Variants in SMURF1 observed in about 807,000 individuals in gnomAD.
SMURF1 encodes SMAD specific E3 ubiquitin protein ligase 1.
SMURF1 carries 44 observed loss-of-function variants against 98.0 expected under a neutral mutation model. That is an observed-to-expected ratio of 0.45 (90% CI 0.35 to 0.58). SMURF1 has a LOEUF of 0.58. SMURF1 is among the 20% of genes least tolerant of loss of function. The probability of loss-of-function intolerance (pLI) is 0.00; values close to 1 mark genes in which losing one functional copy is unlikely to be tolerated. For missense variants in SMURF1, 687 were observed against 938.4 expected (o/e 0.73, Z 3.50); for synonymous variants, 396 against 374.9 (o/e 1.06, Z -0.65).
chr7:99,057,559 G>A lies in SMURF1; in HGVS notation c.204-8C>T. On this transcript the variant is annotated splice_polypyrimidine_tract_variant and splice_region_variant and intron_variant, in intron 3 of 17. Coordinates refer to ENST00000361368, the MANE Select transcript of SMURF1 (RefSeq NM_181349.3). ...TCCGTTTTCCCAACATATCTGGAAA[G>A]AAAGTGCAAAACTCATTTTTAATTG... 1 of 1,523,568 alleles carries A rather than the reference G, an allele frequency of 6.6e-7. No homozygotes were observed. The highest frequency in any genetic ancestry group is 8.8e-7 in the Non-Finnish European group (1 of 1,142,390). The allele number at this position is 1,523,568 out of a possible 1,614,324, so 94.4% of individuals were successfully genotyped here.
chr7:99,108,199 G>T (rs930941174), intron 1 of SMURF1, among the ~76,000 whole-genome samples: 1 of 152,084 alleles, frequency 6.6e-6, no homozygotes, highest in Non-Finnish European at 1.5e-5. Flanking sequence ...GGCATTCCCT[G>T]TTACGCCCTT....
intron 11 of SMURF1, among the ~76,000 whole-genome samples, chr7:99,043,881 G>C (rs780862971): frequency 6.6e-6 from 1 of 152,310 alleles, no homozygotes; most frequent in East Asian, 1.9e-4. Context: ...GGACGCCCAG[G>C]ACAATGGACC....
chr7:99,030,424 TC>T lies in SMURF1; in HGVS notation c.*159del. The T allele has an allele frequency of 1.6e-6, 1 of 632,298 alleles. No individual in the cohort carries two copies. Among genetic ancestry groups the T allele is most frequent in the Non-Finnish European group, 2.8e-6 (1 of 360,762 alleles). 39.2% of individuals were successfully genotyped at this position (632,298 alleles called of 1,614,324 possible). A position where few individuals can be genotyped will look rare whatever the true frequency, so the allele number is the denominator to read the frequency against. ...TATGGGTGGGAGCCACCAACAAAAG[TC>T]CCCCATCCCCCTCCCCCAACAGAAA... On this transcript the variant is annotated 3_prime_UTR_variant, in exon 18 of 18. Coordinates refer to ENST00000361368, the MANE Select transcript of SMURF1 (RefSeq NM_181349.3).
intron 1 of SMURF1, among the ~76,000 whole-genome samples, chr7:99,128,069 C>T (rs1797785028): frequency 6.6e-6 from 1 of 152,032 alleles, no homozygotes; most frequent in Non-Finnish European, 1.5e-5. Flanking sequence ...AGTAAATAAA[C>T]CCTCTGGGGT....
At chr7:99,076,523 T>C (rs1408112210) in intron 1 of SMURF1, among the ~76,000 whole-genome samples, 1 of 152,216 alleles carries the variant, frequency 6.6e-6, no homozygotes, top group African/African-American at 2.4e-5. Flanking sequence ...TTCTCAAAGC[T>C]GTCAAGATCA....
intron 1 of SMURF1, among the ~76,000 whole-genome samples, chr7:99,126,549 G>C (rs6969777): frequency 2.0e-4 from 30 of 151,844 alleles, no homozygotes; most frequent in African/African-American, 7.3e-4. Flanking sequence ...CCAGCTACTC[G>C]GAGGTTGAGG....
intron 10 of SMURF1, among the ~76,000 whole-genome samples, chr7:99,046,973 C>T (rs1450415247): frequency 6.6e-6 from 1 of 152,174 alleles, no homozygotes; most frequent in Non-Finnish European, 1.5e-5. Context: ...TTAGTGCTGT[C>T]ACCCAGGGAG....
At chr7:99,062,509 CCAT>C (rs1416936126) in intron 1 of SMURF1, among the ~76,000 whole-genome samples, 3 of 151,974 alleles carry the variant, frequency 2.0e-5, no homozygotes, top group Non-Finnish European at 2.9e-5. Context: ...AAATATGGGG[CCAT>C]CATCAGGGTA....
At chr7:99,038,725 G>A (rs919150889) in intron 13 of SMURF1, among the ~76,000 whole-genome samples, 200 bp from the exon 14 acceptor site, 4 of 152,092 alleles carry the variant, frequency 2.6e-5, no homozygotes, top group Admixed American at 6.5e-5. Flanking sequence ...CAGATGTCCC[G>A]GCTCCTGGCT....
At chr7:99,039,919 G>A (rs1390077327) in intron 13 of SMURF1, among the ~76,000 whole-genome samples, 1 of 152,124 alleles carries the variant, frequency 6.6e-6, no homozygotes, top group East Asian at 1.9e-4. Flanking sequence ...ATTTTGTTTT[G>A]ATACTTGCTT....
chr7:99,037,766 T>C (rs1795202440), intron 14 of SMURF1, among the ~76,000 whole-genome samples: 1 of 152,256 alleles, frequency 6.6e-6, no homozygotes, highest in Non-Finnish European at 1.5e-5. Context: ...GAAAGCATGT[T>C]CTGGCCAGGC....
intron 1 of SMURF1, among the ~76,000 whole-genome samples, chr7:99,120,947 A>C (rs1296330068): frequency 6.6e-6 from 1 of 152,104 alleles, no homozygotes; most frequent in Non-Finnish European, 1.5e-5. Context: ...TGGTATACAA[A>C]AACTTTTAGG....
In SMURF1 at chr7:99,083,283, T is replaced by A. The variant is rs57953621; in HGVS notation, c.56-21446A>T. Among the ~76,000 whole-genome samples, 848 of 152,314 alleles carry A rather than the reference T, an allele frequency of 5.6e-3. 10 individuals carry two copies. Among genetic ancestry groups the A allele is most frequent in the African/African-American group, 0.02 (811 of 41,566 alleles). On this transcript the variant is annotated intron_variant, in intron 1 of 17. Transcript: ENST00000361368. The stretch of plus-strand genomic sequence containing the variant: ...CTTGTTAACTAGATAAAACAAACTC[T>A]TAGCATTTTGTACTGTTCCATTTAC...
chr7:99,035,421 CAT>C, intron 16 of SMURF1, 92 bp downstream of exon 16: 4 of 1,384,520 alleles, frequency 2.9e-6, no homozygotes, highest in Non-Finnish European at 4.0e-6. Flanking sequence ...TTCTAGCACA[CAT>C]CTCAGAAAAA....
At chr7:99,115,620 A>C (rs931091338) in intron 1 of SMURF1, among the ~76,000 whole-genome samples, 1 of 152,154 alleles carries the variant, frequency 6.6e-6, no homozygotes, top group Admixed American at 6.5e-5. Flanking sequence ...CTACTACTCA[A>C]CTTAAAAAAA....
At chr7:99,052,499 AC>A (rs1290103843) in intron 6 of SMURF1, 53 bp from the exon 7 acceptor site, 1 of 1,465,272 alleles carries the variant, frequency 6.8e-7, no homozygotes, top group Non-Finnish European at 9.0e-7. Context: ...GAGTCACAAG[AC>A]CAGCGCCTTA....
chr7:99,083,189 A>T lies in SMURF1; in HGVS notation c.56-21352T>A, dbSNP rs560076132. Among the ~76,000 whole-genome samples, 7 of 152,264 alleles carry T rather than the reference A, an allele frequency of 4.6e-5. No homozygotes were observed. The South Asian group carries it at 1.5e-3, about 32-fold the overall frequency. On this transcript the variant is annotated intron_variant, in intron 1 of 17. Transcript: ENST00000361368. ...TACACTAAAAACCACAGAATGGTAC[A>T]TTTAAAATGGTGACTTTTATAGTAT...
At position 99,047,768 on chromosome 7, in the gene SMURF1, C is replaced by G; in HGVS notation, c.1068G>C (p.Leu356=). 1 of 1,614,230 alleles carries G rather than the reference C, an allele frequency of 6.2e-7. No individual in the cohort carries two copies. The highest frequency in any genetic ancestry group is 8.5e-7 in the Non-Finnish European group (1 of 1,180,046). Reference sequence around the variant, plus strand: ...GCGACAGTTCGTGTCTGAGGACTTTCAGCTTCTGGACTAGATCTCTTTCGT... The same window carrying G: ...GCGACAGTTCGTGTCTGAGGACTTTGAGCTTCTGGACTAGATCTCTTTCGT... ...QRYERDLVQK[L]KVLRHELSLQ... Residue 356 remains leucine (L), a synonymous_variant, in exon 10 of 18, where the codon CTG becomes CTC. Transcript: ENST00000361368.
At position 99,057,135 on chromosome 7, in the gene SMURF1, T is replaced by C. The variant is rs535287275; in HGVS notation, c.403+70A>G. 1.3e-4 allele frequency: 208 copies of C among 1,553,130 alleles called. 2 individuals are homozygous for C. The East Asian group carries it at 4.0e-3, about 30-fold the overall frequency. On this transcript the variant is annotated intron_variant, in intron 5 of 17. Coordinates refer to ENST00000361368, the MANE Select transcript of SMURF1 (RefSeq NM_181349.3). ...AGCATCGTCAGTGCCTGTATGTGAG[T>C]TCTCGGCGATGAAGGGTTGAATGTA...
Sources: allele counts gnomAD v4.1 joint callset (sites outside exome capture counted in the v4.1 genomes callset), GRCh38; gene constraint gnomAD v4.1.1; transcripts MANE v1.5; gene names NCBI Gene and HGNC (gene_info 2026-07-23, HGNC 2026-07-21).